LRBA: variants seen among roughly 807,000 people sequenced by gnomAD.
LRBA encodes the protein lipopolysaccharide-responsive and beige-like anchor protein.
Under a neutral mutation model 330.0 loss-of-function variants are expected in LRBA, and 176 were observed. The ratio of observed to expected loss-of-function variants is 0.53; its 90% CI spans 0.47 to 0.60. The LOEUF (loss-of-function observed/expected upper bound fraction) is 0.60, where lower values mean the gene tolerates loss of function less well. Ranked by LOEUF, LRBA falls within the 20% of genes least tolerant of loss-of-function variation. The pLI, the probability that LRBA is intolerant of heterozygous loss-of-function variation, is 0.00. For missense variants in LRBA, 3,259 were observed against 3,444.8 expected (o/e 0.95, Z 1.35); for synonymous variants, 1,230 against 1,193.0 (o/e 1.03, Z -0.64).
intron 50 of LRBA, among the ~76,000 whole-genome samples, chr4:150,320,149 G>C (rs1429584000): frequency 6.6e-6 from 1 of 152,140 alleles, no homozygotes; most frequent in African/African-American, 2.4e-5. Flanking sequence ...ACATTACAGA[G>C]GGGTGGTCAT....
chr4:150,737,867 C>A (rs1731416644), intron 35 of LRBA, among the ~76,000 whole-genome samples: 1 of 151,398 alleles, frequency 6.6e-6, no homozygotes, highest in Non-Finnish European at 1.5e-5. Context: ...TTACTGTTCA[C>A]AAAATCATTA....
chr4:150,470,545 TC>T (rs950719948), intron 43 of LRBA, among the ~76,000 whole-genome samples: 37 of 152,202 alleles, frequency 2.4e-4, no homozygotes, highest in African/African-American at 8.7e-4. Context: ...GTTCCGAATA[TC>T]CTCCTTGACC....
At chr4:150,876,276 T>C (rs1754020295) in intron 17 of LRBA, among the ~76,000 whole-genome samples, 1 of 151,922 alleles carries the variant, frequency 6.6e-6, no homozygotes, top group Non-Finnish European at 1.5e-5. Flanking sequence ...GAGAGATGGA[T>C]AAAAAGAAAA....
chr4:150,907,521 T>C lies in LRBA; in HGVS notation c.1493+813A>G, dbSNP rs75131891. Among the ~76,000 whole-genome samples the C allele has an allele frequency of 5.3e-4, 80 of 152,236 alleles. 1 individual carries two copies. In the East Asian group the frequency reaches 0.015, roughly 29 times the overall value. On this transcript the variant is annotated intron_variant, in intron 11 of 56. Coordinates refer to ENST00000651943, the MANE Select transcript of LRBA (RefSeq NM_001364905.1). ...TGATAACTTTTTATTTTTAAAAAAA[T>C]TGTTGCCTGAAAATAATGAGGACAA...
chr4:150,696,387 A>G (rs545549502), intron 36 of LRBA, among the ~76,000 whole-genome samples: 347 of 152,342 alleles, frequency 2.3e-3, no homozygotes, highest in Non-Finnish European at 2.7e-3. Flanking sequence ...GTTTTGACAC[A>G]TTCATGCTTA....
At chr4:150,815,340 T>A (rs1205320307) in intron 31 of LRBA, among the ~76,000 whole-genome samples, 2 of 150,932 alleles carry the variant, frequency 1.3e-5, no homozygotes, top group African/African-American at 4.9e-5. Context: ...ACCAAATTAT[T>A]TCTTCTCCAA....
At chr4:150,389,324 A>G (rs1489861808) in intron 47 of LRBA, among the ~76,000 whole-genome samples, 1 of 152,086 alleles carries the variant, frequency 6.6e-6, no homozygotes, top group African/African-American at 2.4e-5. Context: ...ACTGCACTCC[A>G]GCCTGAACAA....
At chr4:150,639,771 A>G (rs1410240801) in intron 37 of LRBA, among the ~76,000 whole-genome samples, 11 of 7,998 alleles carry the variant, frequency 1.4e-3, no homozygotes, top group East Asian at 3.0e-3. Context: ...ATATATATAT[A>G]TATATATATA....
intron 36 of LRBA, among the ~76,000 whole-genome samples, chr4:150,705,385 C>T (rs1028638807): frequency 1.3e-5 from 2 of 151,972 alleles, no homozygotes; most frequent in African/African-American, 4.8e-5. Flanking sequence ...TAGTCAGTAA[C>T]ATTAAAGGTG....
chr4:150,388,563 T>C (rs1743415485), intron 47 of LRBA, among the ~76,000 whole-genome samples: 1 of 152,210 alleles, frequency 6.6e-6, no homozygotes, highest in Admixed American at 6.5e-5. Context: ...GACAGATTAT[T>C]TGTTTCCAAA....
At chr4:150,464,716 C>G (rs1755223043) in intron 44 of LRBA, among the ~76,000 whole-genome samples, 1 of 151,980 alleles carries the variant, frequency 6.6e-6, no homozygotes, top group Non-Finnish European at 1.5e-5. Context: ...TAAGGATGAC[C>G]TAAGCTGTCA....
intron 50 of LRBA, among the ~76,000 whole-genome samples, chr4:150,319,336 C>A (rs1415959204): frequency 6.6e-6 from 1 of 152,094 alleles, no homozygotes; most frequent in Non-Finnish European, 1.5e-5. Context: ...AACAGCCACC[C>A]AGGATAAGCA....
At chr4:150,552,183 G>T (rs1456587130) in intron 40 of LRBA, among the ~76,000 whole-genome samples, 1 of 152,078 alleles carries the variant, frequency 6.6e-6, no homozygotes, top group African/African-American at 2.4e-5. Flanking sequence ...CCCAGTTCCT[G>T]ACAGGGAAAC....
chr4:150,294,789 A>G (rs2126814273), intron 53 of LRBA, among the ~76,000 whole-genome samples: 1 of 152,306 alleles, frequency 6.6e-6, no homozygotes, highest in South Asian at 2.1e-4. Context: ...GTCTCTACTA[A>G]AAATACAAAA....
intron 4 of LRBA, among the ~76,000 whole-genome samples, chr4:150,921,513 G>A (rs1733269369): frequency 6.6e-6 from 1 of 152,070 alleles, no homozygotes; most frequent in South Asian, 2.1e-4. Flanking sequence ...CAATAAATAT[G>A]AGCCAGTATC....
Position 150,588,039 on chromosome 4 carries a change from T to C in LRBA, c.6330+9A>G, listed in dbSNP as rs1450674098. On this transcript the variant is annotated intron_variant, in intron 40 of 56. Coordinates refer to ENST00000651943, the MANE Select transcript of LRBA (RefSeq NM_001364905.1). Reference sequence around the variant, plus strand: ...CATAAGAAAAAATGAAACCCCTTCATCTTCTCACCTTGGGGTCGATTTTTT... The same window carrying C: ...CATAAGAAAAAATGAAACCCCTTCACCTTCTCACCTTGGGGTCGATTTTTT... 6.2e-7 allele frequency: 1 copy of C among 1,610,908 alleles called. No individual in the cohort carries two copies.
At chr4:150,363,325 C>G (rs2151847419) in intron 47 of LRBA, among the ~76,000 whole-genome samples, 1 of 152,140 alleles carries the variant, frequency 6.6e-6, no homozygotes, top group South Asian at 2.1e-4. Flanking sequence ...CTCAACCTTC[C>G]CCAGAAACAG....
chr4:150,391,448 A>T (rs1743915597), intron 47 of LRBA, among the ~76,000 whole-genome samples: 1 of 152,188 alleles, frequency 6.6e-6, no homozygotes, highest in Non-Finnish European at 1.5e-5. Context: ...GCATAGTCTA[A>T]AAAAGGCAAT....
chr4:150,385,146 A>C (rs1742878249), intron 47 of LRBA, among the ~76,000 whole-genome samples: 1 of 152,210 alleles, frequency 6.6e-6, no homozygotes, highest in Non-Finnish European at 1.5e-5. Context: ...AAAATAAATA[A>C]ATAAAAATAA....
Sources: allele counts gnomAD v4.1 joint callset (sites outside exome capture counted in the v4.1 genomes callset), GRCh38; gene constraint gnomAD v4.1.1; transcripts MANE v1.5; gene names NCBI Gene and HGNC (gene_info 2026-07-23, HGNC 2026-07-21).